IBTK: variants seen among roughly 807,000 people sequenced by gnomAD.
IBTK encodes the protein inhibitor of Bruton tyrosine kinase.
In IBTK, 83 loss-of-function variants were observed where a neutral mutation model predicts 154.9. That is an observed-to-expected ratio of 0.54 (90% confidence interval 0.45 to 0.64). The LOEUF (loss-of-function observed/expected upper bound fraction) is 0.64. Ranked by LOEUF, IBTK falls within the 30% of genes least tolerant of loss-of-function variation. IBTK has a pLI of 0.00. For missense variants in IBTK, 1,332 were observed against 1,584.6 expected (o/e 0.84, Z 2.71); for synonymous variants, 515 against 536.1 (o/e 0.96, Z 0.54).
At chr6:82,172,321 A>T in intron 28 of IBTK, 59 bp downstream of exon 28, 1 of 1,530,268 alleles carries the variant, frequency 6.5e-7, no homozygotes, top group Non-Finnish European at 8.9e-7. Flanking sequence ...ATTTTCTTAA[A>T]ACCTAAGTAG....
chr6:82,225,420 T>C lies in IBTK; in HGVS notation c.825+57A>G. ...TCTGTCAATAACTTACATTTTTTTG[T>C]TCATACAGGTTTTATTGCAAATGTA... On this transcript the variant is annotated intron_variant, in intron 6 of 28. Coordinates refer to ENST00000306270, the MANE Select transcript of IBTK (RefSeq NM_015525.4). The C allele has an allele frequency of 2.9e-6, 4 of 1,382,508 alleles. No individual in the cohort carries two copies. The South Asian group carries it at 5.1e-5, about 18-fold the overall frequency. 85.6% of individuals were successfully genotyped at this position (1,382,508 alleles called of 1,614,324 possible).
chr6:82,234,306 C>T (rs750276673), intron 2 of IBTK, 51 bp from the exon 3 acceptor site: 1 of 642,532 alleles, frequency 1.6e-6, no homozygotes, highest in South Asian at 4.3e-5. Context: ...TTATTAATTA[C>T]CTATATCATC....
chr6:82,245,769 T>TA (rs542509673), intron 1 of IBTK, among the ~76,000 whole-genome samples: 539 of 147,798 alleles, frequency 3.6e-3, no homozygotes, highest in Non-Finnish European at 5.6e-3. Flanking sequence ...CTTAGAGATT[T>TA]AAAAAAAAAA....
intron 16 of IBTK, among the ~76,000 whole-genome samples, chr6:82,206,738 T>C (rs1255334547): frequency 1.3e-5 from 2 of 152,052 alleles, no homozygotes; most frequent in Non-Finnish European, 2.9e-5. Flanking sequence ...AAAAAGGAAT[T>C]ATACAACATG....
chr6:82,240,855 A>G lies in IBTK; in HGVS notation c.-357-12T>C. On this transcript the variant is annotated splice_polypyrimidine_tract_variant and intron_variant, in intron 1 of 28. Coordinates refer to ENST00000306270, the MANE Select transcript of IBTK (RefSeq NM_015525.4). The stretch of plus-strand genomic sequence containing the variant: ...ATTGCAAGGGTGACCTATAAGAGAA[A>G]GAGAAGAGAAAATAAAAATTCAAAA... The G allele has an allele frequency of 2.5e-6, 1 of 405,188 alleles. No homozygotes were observed. The highest frequency in any genetic ancestry group is 4.3e-6 in the Non-Finnish European group (1 of 230,514). 25.1% of individuals were successfully genotyped at this position (405,188 alleles called of 1,614,324 possible).
Position 82,247,733 on chromosome 6 carries a change from G to C in IBTK, c.-529C>G, listed in dbSNP as rs1045184663. On this transcript the variant is annotated 5_prime_UTR_variant, in exon 1 of 29. Transcript: ENST00000306270. ...CAATACAGCCGCTACTACAGGAATC[G>C]GGAACGGGGATGTAGAGGAAGGGCC... is the stretch of plus-strand genomic sequence containing the variant. 6.0e-5 allele frequency: 24 copies of C among 397,946 alleles called. No individual in the cohort carries two copies. The Admixed American group carries it at 8.8e-4, about 15-fold the overall frequency. The allele number at this position is 397,946 out of a possible 1,614,324, so 24.7% of individuals were successfully genotyped here. A position where few individuals can be genotyped will look rare whatever the true frequency, so the allele number is the denominator to read the frequency against.
intron 16 of IBTK, among the ~76,000 whole-genome samples, chr6:82,209,235 AATG>A (rs1769534535): frequency 6.6e-6 from 1 of 152,184 alleles, no homozygotes; most frequent in African/African-American, 2.4e-5. Flanking sequence ...GCCCAAGAAA[AATG>A]AAAACATAGG....
At chr6:82,214,959 T>A in intron 11 of IBTK, 130 bp from the exon 12 acceptor site, 1 of 912,504 alleles carries the variant, frequency 1.1e-6, no homozygotes, top group Non-Finnish European at 1.6e-6. Flanking sequence ...TGGCATTTCC[T>A]AAAATACAAG....
chr6:82,223,906 C>T (rs1770197266), intron 7 of IBTK, among the ~76,000 whole-genome samples, 162 bp downstream of exon 7: 1 of 152,160 alleles, frequency 6.6e-6, no homozygotes. Context: ...GCTGTGATCG[C>T]ACCCTGAACT....
chr6:82,234,052 T>C, intron 3 of IBTK, 107 bp downstream of exon 3: 2 of 469,666 alleles, frequency 4.3e-6, no homozygotes, highest in South Asian at 6.8e-5. Context: ...TTCTTACCAG[T>C]ATTCTCGAAC....
intron 25 of IBTK, among the ~76,000 whole-genome samples, chr6:82,186,090 T>G (rs1403844602): frequency 2.0e-5 from 3 of 152,326 alleles, no homozygotes; most frequent in Admixed American, 6.5e-5. Context: ...TGGAGCACCA[T>G]GAACCACATC....
intron 25 of IBTK, 135 bp downstream of exon 25, chr6:82,190,938 T>C (rs1220766077): frequency 1.7e-6 from 1 of 573,228 alleles, no homozygotes; most frequent in African/African-American, 2.0e-5. Flanking sequence ...ATTTTTAACT[T>C]GAAAACAGAA....
At chr6:82,230,169 T>C (rs1186030565) in intron 4 of IBTK, among the ~76,000 whole-genome samples, 1 of 152,164 alleles carries the variant, frequency 6.6e-6, no homozygotes, top group African/African-American at 2.4e-5. Context: ...AAACTAAGTG[T>C]TGTTATGTAT....
rs142709980 is a variant in IBTK at position 82,198,731 on chromosome 6, C to T, written c.3025+1410G>A. On this transcript the variant is annotated intron_variant, in intron 21 of 28. Coordinates refer to ENST00000306270, the MANE Select transcript of IBTK (RefSeq NM_015525.4). ...GCCTTAGTGCTATAGACAAGAGTAA[C>T]CTACCATTTCTGAAAGCCATACTGT... Among the ~76,000 whole-genome samples, 1,242 of 152,106 alleles carry T rather than the reference C, an allele frequency of 8.2e-3. 15 individuals are homozygous for T. Among genetic ancestry groups the T allele is most frequent in the Non-Finnish European group, 0.011 (773 of 67,960 alleles).
At chr6:82,224,264 CAAATATA>C (rs1173704497) in intron 6 of IBTK, 79 bp from the exon 7 acceptor site, 1 of 985,890 alleles carries the variant, frequency 1.0e-6, no homozygotes, top group Non-Finnish European at 1.6e-6. Flanking sequence ...AGCAGACCAG[CAAATATA>C]TGGTATACTT....
rs397969340 is a variant in IBTK, at chr6:82,246,442, T to TC, written c.-358+1119_-358+1120insG. Among the ~76,000 whole-genome samples, 20 of 96,770 alleles carry TC rather than the reference T, an allele frequency of 2.1e-4. 2 individuals carry two copies. The highest frequency in any genetic ancestry group is 3.2e-4 in the Admixed American group (3 of 9,312). The allele number at this position is 96,770 out of a possible 152,430, so 63.5% of individuals were successfully genotyped here. A position where few individuals can be genotyped will look rare whatever the true frequency, so the allele number is the denominator to read the frequency against. The stretch of plus-strand genomic sequence containing the variant: ...CCAGACTGCTGGGATTACAGGCATC[T>TC]TTTTTTTTTTTTTTTTTTTTGAGAT... On this transcript the variant is annotated intron_variant, in intron 1 of 28. Coordinates refer to ENST00000306270, the MANE Select transcript of IBTK (RefSeq NM_015525.4).
chr6:82,227,121 G>T (rs781717878), intron 5 of IBTK, 71 bp downstream of exon 5: 2 of 1,016,394 alleles, frequency 2.0e-6, no homozygotes, highest in South Asian at 1.5e-5. Context: ...AAAAAATTTA[G>T]TTAATTAAAT....
In IBTK at chr6:82,181,900, G is replaced by T; in HGVS notation, c.3704C>A (p.Ser1235Tyr). 6.3e-7 allele frequency: 1 copy of T among 1,581,134 alleles called. No individual in the cohort carries two copies. Among genetic ancestry groups the T allele is most frequent in the Non-Finnish European group, 8.5e-7 (1 of 1,171,316 alleles). Reference protein sequence around the residue: ...KKVSFKGIENSQAPKIVRCST... With the variant: ...KKVSFKGIENYQAPKIVRCST... ...TTACCTGACAATTTTTGGTGCCTGA[G>T]AATTTTCAATTCCTTTAAAAGAAAC... Residue 1235 changes from serine to tyrosine, a missense_variant, in exon 26 of 29, where the codon TCT becomes TAT. By Grantham distance (144) the Ser-to-Tyr change is moderately radical. Coordinates refer to ENST00000306270, the MANE Select transcript of IBTK (RefSeq NM_015525.4).
chr6:82,215,678 T>C (rs547332650), intron 11 of IBTK, among the ~76,000 whole-genome samples: 5 of 150,760 alleles, frequency 3.3e-5, no homozygotes, highest in Non-Finnish European at 7.4e-5. Context: ...TCCCAACTAC[T>C]TGGGAGGCTG....
Sources: allele counts gnomAD v4.1 joint callset (sites outside exome capture counted in the v4.1 genomes callset), GRCh38; gene constraint gnomAD v4.1.1; transcripts MANE v1.5; gene names NCBI Gene and HGNC (gene_info 2026-07-23, HGNC 2026-07-21).